TNR: variants seen among roughly 807,000 people sequenced by gnomAD.
TNR encodes the protein tenascin R, also known as tenascin-R.
Under a neutral mutation model 150.4 loss-of-function variants are expected in TNR, and 45 were observed. The ratio of observed to expected loss-of-function variants is 0.30; its 90% CI spans 0.24 to 0.38. The LOEUF is 0.38. TNR is among the 10% of genes least tolerant of loss of function. The pLI is 1.00. For synonymous variants in TNR, 687 were observed against 678.4 expected (o/e 1.01, Z -0.20); for missense variants, 1,544 against 1,759.1 (o/e 0.88, Z 2.19).
At chr1:175,447,983 C>T (rs1354794240) in intron 2 of TNR, among the ~76,000 whole-genome samples, 1 of 152,146 alleles carries the variant, frequency 6.6e-6, no homozygotes, top group African/African-American at 2.4e-5. Context: ...ATTATTATTA[C>T]TATCAGTGTC....
chr1:175,617,295 G>C (rs191918399), intron 1 of TNR, among the ~76,000 whole-genome samples: 16 of 152,256 alleles, frequency 1.1e-4, no homozygotes, highest in Admixed American at 3.3e-4. Flanking sequence ...ACCCTTTTAG[G>C]TGTTGGTCCC....
At chr1:175,711,292 ATGAGGGC>A (rs1369547888) in intron 1 of TNR, among the ~76,000 whole-genome samples, 1 of 152,114 alleles carries the variant, frequency 6.6e-6, no homozygotes, top group East Asian at 1.9e-4. Context: ...ACTTGGGGAG[ATGAGGGC>A]TGAAGCATCT....
Position 175,502,331 on chromosome 1 carries a change from C to A in TNR, c.-64+25938G>T, listed in dbSNP as rs182218743. 5.9e-5 allele frequency among the ~76,000 whole-genome samples: 9 copies of A among 152,276 alleles called. No individual in the cohort carries two copies. In the South Asian group the frequency reaches 6.2e-4, roughly 11 times the overall value. ...TCCTCTTTGGGGCAGACACATTGAA[C>A]CCCCATGCAGGGAATATTGGCTGTT... On this transcript the variant is annotated intron_variant, in intron 2 of 22. Transcript: ENST00000367674.
At chr1:175,555,329 A>G (rs1169950096) in intron 1 of TNR, among the ~76,000 whole-genome samples, 2 of 152,120 alleles carry the variant, frequency 1.3e-5, no homozygotes, top group African/African-American at 4.8e-5. Context: ...ACTCCTTTAG[A>G]AGCACATTTT....
chr1:175,652,115 T>C (rs1665017972), intron 1 of TNR, among the ~76,000 whole-genome samples: 1 of 148,192 alleles, frequency 6.7e-6, no homozygotes, highest in Non-Finnish European at 1.5e-5. Context: ...TAATAGATTA[T>C]GTATAATACA....
chr1:175,729,414 CCTCTCT>C (rs10655316), intron 1 of TNR, among the ~76,000 whole-genome samples: 1 of 148,942 alleles, frequency 6.7e-6, no homozygotes, highest in Non-Finnish European at 1.5e-5. Context: ...TGGTGTAAGG[CCTCTCT>C]CTCTCTCTCT....
intron 2 of TNR, among the ~76,000 whole-genome samples, chr1:175,516,302 C>T (rs1466854494): frequency 6.6e-6 from 1 of 152,172 alleles, no homozygotes; most frequent in Non-Finnish European, 1.5e-5. Flanking sequence ...AGTGAACCAC[C>T]TTTGCAAATG....
At chr1:175,382,379 G>T (rs1446700480) in intron 8 of TNR, among the ~76,000 whole-genome samples, 1 of 152,226 alleles carries the variant, frequency 6.6e-6, no homozygotes, top group Non-Finnish European at 1.5e-5. Flanking sequence ...TTGACTGAGG[G>T]TGCTGGTCTT....
chr1:175,332,814 A>G (rs1259385789), intron 20 of TNR, among the ~76,000 whole-genome samples: 2 of 152,126 alleles, frequency 1.3e-5, no homozygotes, highest in African/African-American at 4.8e-5. Context: ...CCTTCTTTGA[A>G]TATCTGTGGC....
chr1:175,510,109 G>C (rs919706118), intron 2 of TNR, among the ~76,000 whole-genome samples: 1 of 151,960 alleles, frequency 6.6e-6, no homozygotes, highest in Admixed American at 6.6e-5. Context: ...CATGCCTGTA[G>C]TCCCAGGTAC....
At chr1:175,355,359 T>C in intron 17 of TNR, 144 bp downstream of exon 17, 1 of 1,142,156 alleles carries the variant, frequency 8.8e-7, no homozygotes, top group South Asian at 1.5e-5. Context: ...GCAGGCTGGG[T>C]ATCCTTGATG....
intron 1 of TNR, among the ~76,000 whole-genome samples, chr1:175,662,384 A>T (rs992548719): frequency 2.0e-5 from 3 of 151,480 alleles, no homozygotes; most frequent in Non-Finnish European, 4.4e-5. Flanking sequence ...ATCCCTGAGC[A>T]GCCCCTTCTC....
intron 1 of TNR, among the ~76,000 whole-genome samples, chr1:175,610,093 C>T (rs1305962303): frequency 6.6e-6 from 1 of 152,176 alleles, no homozygotes; most frequent in African/African-American, 2.4e-5. Context: ...GATAATATAA[C>T]CAGCCACCTC....
chr1:175,454,104 T>C (rs937283642), intron 2 of TNR, among the ~76,000 whole-genome samples: 3 of 152,180 alleles, frequency 2.0e-5, no homozygotes, highest in Non-Finnish European at 4.4e-5. Context: ...TGTCTGTCTG[T>C]TGGGGTTGGT....
chr1:175,599,954 T>C lies in TNR; in HGVS notation c.-164-71585A>G, dbSNP rs1663171241. 6.6e-6 allele frequency among the ~76,000 whole-genome samples: 1 copy of C among 152,172 alleles called. No homozygotes were observed. The highest frequency in any genetic ancestry group is 2.4e-5 in the African/African-American group (1 of 41,426). On this transcript the variant is annotated intron_variant, in intron 1 of 22. Coordinates refer to ENST00000367674, the MANE Select transcript of TNR (RefSeq NM_003285.3). The surrounding 1 kb of genome is among the most constrained non-coding windows in gnomAD (Gnocchi z 4.7). ...CAGGAGGGAGGAAAAGAGTGAGCCA[T>C]ATGATAGAGTAAAATCCCTTGCAGG...
At chr1:175,551,130 C>T (rs1457487051) in intron 1 of TNR, among the ~76,000 whole-genome samples, 1 of 152,138 alleles carries the variant, frequency 6.6e-6, no homozygotes, top group South Asian at 2.1e-4. Flanking sequence ...TATGGAGGAT[C>T]TCATTAGAAA....
rs574611104 is a variant in TNR at position 175,482,501 on chromosome 1, G to A, written c.-64+45768C>T. Among the ~76,000 whole-genome samples, 14 of 152,202 alleles carry A rather than the reference G, an allele frequency of 9.2e-5. No individual in the cohort carries two copies. In the South Asian group the frequency reaches 2.5e-3, roughly 27 times the overall value. On this transcript the variant is annotated intron_variant, in intron 2 of 22. Coordinates refer to ENST00000367674, the MANE Select transcript of TNR (RefSeq NM_003285.3). Reference sequence around the variant, plus strand: ...TAAATTTAAAAAGATAAAATGAATCGCAGGAACCATAAGCTCATATGCTAC... The same window carrying A: ...TAAATTTAAAAAGATAAAATGAATCACAGGAACCATAAGCTCATATGCTAC...
At chr1:175,345,318 C>T (rs890207034) in intron 18 of TNR, among the ~76,000 whole-genome samples, 1 of 152,058 alleles carries the variant, frequency 6.6e-6, no homozygotes, top group South Asian at 2.1e-4. Flanking sequence ...GCCGATAACC[C>T]CAAAGGGACA....
intron 1 of TNR, among the ~76,000 whole-genome samples, chr1:175,629,439 A>C (rs1282944838): frequency 6.6e-6 from 1 of 152,174 alleles, no homozygotes; most frequent in East Asian, 1.9e-4. Flanking sequence ...GCCTGCAGAG[A>C]CTGGAATGCA....
Sources: gnomAD v4.1 joint callset for allele counts (sites outside exome capture counted in the v4.1 genomes callset) on GRCh38, gnomAD v4.1.1 for gene constraint, Gnocchi (gnomAD v3.1) non-coding constraint, MANE v1.5 for transcripts, NCBI Gene and HGNC (gene_info 2026-07-23, HGNC 2026-07-21) for gene names.